METTL15: variants seen among roughly 807,000 people sequenced by gnomAD.
The protein encoded by METTL15 is 12S rRNA N(4)-cytidine methyltransferase METTL15.
A neutral mutation model predicts 38.3 loss-of-function variants in METTL15; 34 were observed. The ratio of observed to expected loss-of-function variants is 0.89; its 90% CI spans 0.68 to 1.18. The LOEUF (loss-of-function observed/expected upper bound fraction) is 1.18, where lower values mean the gene tolerates loss of function less well. Among genes scored for constraint, METTL15 ranks in the 50% most tolerant of loss-of-function variants. The pLI is 0.00. For missense variants in METTL15, 438 were observed against 498.4 expected (o/e 0.88, Z 1.15); for synonymous variants, 162 against 170.9 (o/e 0.95, Z 0.41).
intron 4 of METTL15, among the ~76,000 whole-genome samples, chr11:28,238,316 G>A (rs563510003): frequency 9.2e-5 from 14 of 152,252 alleles, no homozygotes; most frequent in African/African-American, 2.4e-4. Context: ...AATGGTGGGC[G>A]CCCCTCCCCC....
intron 6 of METTL15, among the ~76,000 whole-genome samples, chr11:28,511,431 G>T (rs1164845696): frequency 1.3e-5 from 2 of 152,194 alleles, no homozygotes; most frequent in Admixed American, 1.3e-4. Context: ...GTTCGGAATT[G>T]GTGGGTTCTT....
intron 5 of METTL15, among the ~76,000 whole-genome samples, chr11:28,385,329 A>G (rs1486481864): frequency 6.6e-6 from 1 of 152,052 alleles, no homozygotes; most frequent in Non-Finnish European, 1.5e-5. Flanking sequence ...ATATGGTGTA[A>G]GAAGGGATCC....
chr11:28,279,813 C>T (rs981960564), intron 4 of METTL15, among the ~76,000 whole-genome samples: 3 of 151,648 alleles, frequency 2.0e-5, no homozygotes, highest in South Asian at 2.1e-4. Context: ...GCAGGAGAAT[C>T]GCTTGAACCC....
chr11:28,151,524 C>T (rs920640742), intron 3 of METTL15, among the ~76,000 whole-genome samples: 3 of 151,920 alleles, frequency 2.0e-5, no homozygotes, highest in African/African-American at 7.2e-5. Context: ...ACTTGATAAC[C>T]ATATGAGGCA....
intron 5 of METTL15, among the ~76,000 whole-genome samples, chr11:28,370,248 C>T (rs1850229037): frequency 6.6e-6 from 1 of 151,946 alleles, no homozygotes; most frequent in Non-Finnish European, 1.5e-5. Flanking sequence ...TTTGTAACCA[C>T]CAATCTATAC....
chr11:28,236,735 G>T (rs1414104902), intron 4 of METTL15, among the ~76,000 whole-genome samples: 1 of 152,114 alleles, frequency 6.6e-6, no homozygotes, highest in Non-Finnish European at 1.5e-5. Context: ...TGTAGTGGCT[G>T]GTACCAGTTG....
intron 3 of METTL15, among the ~76,000 whole-genome samples, chr11:28,178,027 A>G (rs947316700): frequency 1.3e-5 from 2 of 152,110 alleles, no homozygotes; most frequent in African/African-American, 4.8e-5. Context: ...AAAAGAAAGA[A>G]TATTTAACCC....
At chr11:28,269,258 T>C (rs1342830852) in intron 4 of METTL15, among the ~76,000 whole-genome samples, 1 of 152,126 alleles carries the variant, frequency 6.6e-6, no homozygotes, top group Non-Finnish European at 1.5e-5. Context: ...TAAAATTTTA[T>C]GACTGATTTT....
In METTL15 at chr11:28,426,592, T is replaced by G. The variant is rs77724456; in HGVS notation, c.*424+2228T>G. 4.9e-5 allele frequency among the ~76,000 whole-genome samples: 7 copies of G among 142,882 alleles called. No homozygotes were observed. The East Asian group carries it at 6.1e-4, about 12-fold the overall frequency. The allele number at this position is 142,882 out of a possible 152,430, so 93.7% of individuals were successfully genotyped here. On this transcript the variant is annotated intron_variant and NMD_transcript_variant, in intron 6 of 7. Transcript: ENST00000532947. ...TAACCTTGCCAGCATCTGTTTTTTTTTTTTTTTTTTTTTTGACTTTTTAGT... is the reference window on the plus strand; with the variant it reads ...TAACCTTGCCAGCATCTGTTTTTTTGTTTTTTTTTTTTTTGACTTTTTAGT...
intron 5 of METTL15, 107 bp from the exon 6 acceptor site, chr11:28,296,646 C>A: frequency 8.5e-7 from 1 of 1,180,652 alleles, no homozygotes; most frequent in South Asian, 1.5e-5. Flanking sequence ...CCTCACTTCT[C>A]CTAGAGTATG....
intron 6 of METTL15, among the ~76,000 whole-genome samples, chr11:28,468,700 T>A (rs1476829205): frequency 3.3e-5 from 5 of 152,120 alleles, no homozygotes; most frequent in Admixed American, 6.6e-5. Flanking sequence ...ACTCCTTGAG[T>A]CCCAAAGTCA....
chr11:28,373,546 A>G (rs1253512134), intron 5 of METTL15, among the ~76,000 whole-genome samples: 2 of 151,654 alleles, frequency 1.3e-5, no homozygotes, highest in South Asian at 2.1e-4. Context: ...GGTTGCAAAA[A>G]TTTTCTCCCA....
intron 3 of METTL15, chr11:28,123,778 A>T: frequency 2.1e-6 from 2 of 967,340 alleles, no homozygotes; most frequent in Non-Finnish European, 2.9e-6. Flanking sequence ...GGCCTGTGTC[A>T]TCTGTAATAG....
intron 3 of METTL15, among the ~76,000 whole-genome samples, chr11:28,198,839 T>C (rs1475040320): frequency 3.3e-5 from 5 of 152,180 alleles, no homozygotes; most frequent in Admixed American, 2.6e-4. Context: ...AGATTTCTAG[T>C]TGTCGACATG....
rs537506177 is a variant in METTL15 at position 28,401,076 on chromosome 11, G to A, written c.*359-23223G>A. On this transcript the variant is annotated intron_variant and NMD_transcript_variant, in intron 5 of 7. Coordinates refer to the METTL15 transcript ENST00000532947. Reference sequence around the variant, plus strand: ...AGCAAAAGATAGAGTTGTATTTGGCGTAATTCTTCCTAAAGTAAATGACAT... The same window carrying A: ...AGCAAAAGATAGAGTTGTATTTGGCATAATTCTTCCTAAAGTAAATGACAT... Among the ~76,000 whole-genome samples the A allele has an allele frequency of 8.5e-5, 13 of 152,068 alleles. No individual in the cohort carries two copies. The South Asian group carries it at 1.5e-3, about 17-fold the overall frequency.
At chr11:28,166,899 A>G (rs941208878) in intron 3 of METTL15, among the ~76,000 whole-genome samples, 4 of 152,214 alleles carry the variant, frequency 2.6e-5, no homozygotes, top group African/African-American at 9.7e-5. Flanking sequence ...CATTGAGTCA[A>G]GATCGTGCCA....
chr11:28,464,360 G>A (rs1314615853), intron 6 of METTL15, among the ~76,000 whole-genome samples: 2 of 152,186 alleles, frequency 1.3e-5, no homozygotes, highest in East Asian at 1.9e-4. Flanking sequence ...GGGCCATACA[G>A]TCTCTGTTTC....
intron 6 of METTL15, among the ~76,000 whole-genome samples, chr11:28,479,630 C>T (rs1364157728): frequency 6.6e-6 from 1 of 152,090 alleles, no homozygotes; most frequent in Non-Finnish European, 1.5e-5. Context: ...TCTTCATCAG[C>T]CTCAAATAGT....
intron 3 of METTL15, among the ~76,000 whole-genome samples, chr11:28,164,734 T>C (rs1850596723): frequency 6.6e-6 from 1 of 152,184 alleles, no homozygotes; most frequent in Admixed American, 6.5e-5. Flanking sequence ...CTAGGGTACA[T>C]GTGTACAACG....
Sources: gnomAD v4.1 joint callset for allele counts (sites outside exome capture counted in the v4.1 genomes callset) on GRCh38, gnomAD v4.1.1 for gene constraint, MANE v1.5 for transcripts, NCBI Gene and HGNC (gene_info 2026-07-23, HGNC 2026-07-21) for gene names.